The following SPATC1L variants were observed in gnomAD, a reference collection of about 807,000 sequenced individuals.
SPATC1L encodes the protein spermatogenesis and centriole associated 1 like, also known as speriolin-like protein.
Under a neutral mutation model 21.2 loss-of-function variants are expected in SPATC1L, and 20 were observed. That is an observed-to-expected ratio of 0.94 (90% CI 0.66 to 1.37). The LOEUF (loss-of-function observed/expected upper bound fraction) is 1.37, where lower values mean the gene tolerates loss of function less well. Ranked by LOEUF, SPATC1L falls within the 40% of genes most tolerant of loss-of-function variation. The probability of loss-of-function intolerance (pLI) is 0.00; values close to 1 mark genes in which losing one functional copy is unlikely to be tolerated. For missense variants in SPATC1L, 499 were observed against 478.7 expected (o/e 1.04, Z -0.40); for synonymous variants, 290 against 234.5 (o/e 1.24, Z -2.16).
chr21:46,161,387 C>A lies in SPATC1L; in HGVS notation c.1015G>T (p.Ala339Ser). 1 of 1,517,306 alleles carries A rather than the reference C, an allele frequency of 6.6e-7. No homozygotes were observed. Among genetic ancestry groups the A allele is most frequent in the Non-Finnish European group, 8.8e-7 (1 of 1,135,744 alleles). 94.0% of individuals were successfully genotyped at this position (1,517,306 alleles called of 1,614,324 possible). A position where few individuals can be genotyped will look rare whatever the true frequency, so the allele number is the denominator to read the frequency against. ...LSKEDGKPLF[A>S]W ...GGCGGGCGCGGGGCGGCTCACCAGG[C>A]GAAGAGGGGCTTGCCGTCCTCCTTG... Residue 339 changes from alanine (A) to serine (S), a missense_variant, in exon 5 of 5, where the codon GCC becomes TCC. Transcript: ENST00000291672.
chr21:46,183,095 A>G lies in SPATC1L; in HGVS notation c.-279T>C, dbSNP rs1004641652. 1 of 457,300 alleles carries G rather than the reference A, an allele frequency of 2.2e-6. No individual in the cohort carries two copies. Among genetic ancestry groups the G allele is most frequent in the Non-Finnish European group, 3.9e-6 (1 of 259,600 alleles). The allele number at this position is 457,300 out of a possible 1,614,324, so 28.3% of individuals were successfully genotyped here. On this transcript the variant is annotated 5_prime_UTR_variant, in exon 2 of 5. An upstream start codon of the reference 5' UTR is lost. Transcript: ENST00000291672. ...ACCAGGGCCCGAGAATGCCAAGGAC[A>G]TTAGGCAGCTACGGGATGTAGCGAC...
At chr21:46,184,304 A>G (rs1260660815) in intron 1 of SPATC1L, 52 bp downstream of exon 1, 1 of 154,486 alleles carries the variant, frequency 6.5e-6, no homozygotes, top group Non-Finnish European at 1.4e-5. Flanking sequence ...AGTGCGACCG[A>G]CTTGAAACCC....
intron 2 of SPATC1L, among the ~76,000 whole-genome samples, chr21:46,172,535 T>C (rs1267862012): frequency 6.6e-6 from 1 of 152,238 alleles, no homozygotes; most frequent in Non-Finnish European, 1.5e-5. Flanking sequence ...TCTGGGCAGA[T>C]GGGACCGTTG....
chr21:46,168,975 C>A (rs2079561943), intron 2 of SPATC1L, among the ~76,000 whole-genome samples: 1 of 152,212 alleles, frequency 6.6e-6, no homozygotes, highest in Non-Finnish European at 1.5e-5. Context: ...CTTTTATATG[C>A]TTAAGTTGTA....
rs1185575138 is a variant in SPATC1L, at chr21:46,168,576, T to G, written c.276A>C (p.Ser92=). 1 of 1,464,348 alleles carries G rather than the reference T, an allele frequency of 6.8e-7. No individual in the cohort carries two copies. The highest frequency in any genetic ancestry group is 9.2e-7 in the Non-Finnish European group (1 of 1,091,654). The allele number at this position is 1,464,348 out of a possible 1,614,324, so 90.7% of individuals were successfully genotyped here. The part of the protein sequence containing the change: ...QTSSLEDLLC[S]HAPLSSEDDT... ...CGTCCTCGCTGGACAGGGGGGCATG[T>G]GAGCACAGCAGGTCCTCCAGGGAGG... is the stretch of plus-strand genomic sequence containing the variant. The change falls in exon 3 of 5, where the codon TCA becomes TCC. Residue 92 remains serine (S), a synonymous_variant. Transcript: ENST00000291672.
chr21:46,170,946 G>C (rs1210663600), intron 2 of SPATC1L, among the ~76,000 whole-genome samples: 1 of 150,964 alleles, frequency 6.6e-6, no homozygotes. Context: ...TGTGGATGGG[G>C]AGGAGCTTCC....
Position 46,183,403 on chromosome 21 carries a change from G to C in SPATC1L, c.-587C>G. 5.4e-6 allele frequency: 1 copy of C among 184,362 alleles called. No homozygotes were observed. The highest frequency in any genetic ancestry group is 1.2e-5 in the Non-Finnish European group (1 of 86,056). The allele number at this position is 184,362 out of a possible 1,614,324, so 11.4% of individuals were successfully genotyped here. The stretch of plus-strand genomic sequence containing the variant: ...GGGACTGGCAAGGGCAGTGGGAGGA[G>C]ACCAGCATGTGGGGGAGACCAGCCT... On this transcript the variant is annotated 5_prime_UTR_variant, in exon 2 of 5. Coordinates refer to ENST00000291672, the MANE Select transcript of SPATC1L (RefSeq NM_001142854.2).
intron 2 of SPATC1L, among the ~76,000 whole-genome samples, chr21:46,172,654 T>G (rs1050555829): frequency 1.3e-5 from 2 of 152,062 alleles, no homozygotes; most frequent in Non-Finnish European, 2.9e-5. Context: ...TTCTGAGTAA[T>G]AAGGACAAAG....
rs1569001181 is a variant in SPATC1L at position 46,172,098 on chromosome 21, CAG to C, written c.194-3442_194-3441del. ...GGCGGGGGATGCACAGAGCATGAGGCAGGAGTGCAGAGCATGAGGCGGGGGAT... is the reference window on the plus strand; with the variant it reads ...GGCGGGGGATGCACAGAGCATGAGGCGAGTGCAGAGCATGAGGCGGGGGAT... On this transcript the variant is annotated intron_variant, in intron 2 of 4. Transcript: ENST00000291672. 8.1e-5 allele frequency among the ~76,000 whole-genome samples: 3 copies of C among 37,180 alleles called. No individual in the cohort carries two copies. The East Asian group carries it at 0.013, about 163-fold the overall frequency. The allele number at this position is 37,180 out of a possible 152,430, so 24.4% of individuals were successfully genotyped here. A position where few individuals can be genotyped will look rare whatever the true frequency, so the allele number is the denominator to read the frequency against.
At chr21:46,164,760 C>A (rs2123621035) in intron 3 of SPATC1L, among the ~76,000 whole-genome samples, 1 of 147,470 alleles carries the variant, frequency 6.8e-6, no homozygotes, top group South Asian at 2.2e-4. Context: ...CCACTGCACT[C>A]CAGCCTGGGC....
intron 3 of SPATC1L, among the ~76,000 whole-genome samples, 187 bp from the exon 4 acceptor site, chr21:46,162,254 C>T (rs549509407): frequency 2.2e-4 from 33 of 152,300 alleles, no homozygotes; most frequent in African/African-American, 7.9e-4. Context: ...GCAAGCCAGC[C>T]TTCCCTTCCC....
intron 2 of SPATC1L, among the ~76,000 whole-genome samples, chr21:46,179,908 C>T (rs545148875): frequency 1.3e-4 from 20 of 152,358 alleles, no homozygotes; most frequent in African/African-American, 4.6e-4. Flanking sequence ...AGACCTCGCT[C>T]CCCAGCTGAC....
At position 46,161,475 on chromosome 21, in the gene SPATC1L, G is replaced by T; in HGVS notation, c.927C>A (p.Asp309Glu). The T allele has an allele frequency of 2.5e-6, 4 of 1,600,128 alleles. No individual in the cohort carries two copies. The highest frequency in any genetic ancestry group is 3.4e-6 in the Non-Finnish European group (4 of 1,171,532). ...SPAALRKLVI[D>E]VVPPKFLGDS... Reference sequence around the variant, plus strand: ...CGCCCAGGAACTTGGGGGGCACCACGTCGATGACCAGCTTGCGCAGCGCGG... The same window carrying T: ...CGCCCAGGAACTTGGGGGGCACCACTTCGATGACCAGCTTGCGCAGCGCGG... The change falls in exon 5 of 5, where the codon GAC becomes GAA. Residue 309 changes from aspartate to glutamate, a missense_variant. Asp to Glu is a conservative substitution (Grantham distance 45). Coordinates refer to ENST00000291672, the MANE Select transcript of SPATC1L (RefSeq NM_001142854.2).
At chr21:46,172,344 G>T (rs2123640742) in intron 2 of SPATC1L, among the ~76,000 whole-genome samples, 1 of 152,366 alleles carries the variant, frequency 6.6e-6, no homozygotes, top group East Asian at 1.9e-4. Context: ...GAACCCAGTG[G>T]CTGTGCAGCG....
At chr21:46,176,321 T>C (rs9637215) in intron 2 of SPATC1L, among the ~76,000 whole-genome samples, 23,009 of 152,036 alleles carry the variant, frequency 0.15, 2,160 homozygotes, top group East Asian at 0.52. Flanking sequence ...CCCATCCAAA[T>C]AGAAAGAGAG....
chr21:46,166,073 T>C (rs746456972), intron 3 of SPATC1L, among the ~76,000 whole-genome samples: 4 of 152,120 alleles, frequency 2.6e-5, no homozygotes, highest in Non-Finnish European at 5.9e-5. Context: ...ATAATAACTT[T>C]GAATGTAAAT....
At chr21:46,171,729 G>T (rs978686394) in intron 2 of SPATC1L, among the ~76,000 whole-genome samples, 2 of 152,062 alleles carry the variant, frequency 1.3e-5, no homozygotes, top group Non-Finnish European at 2.9e-5. Context: ...AATACACAAA[G>T]AAGGAAAATC....
intron 4 of SPATC1L, 85 bp from the exon 5 acceptor site, chr21:46,161,790 C>T: frequency 6.7e-7 from 1 of 1,486,938 alleles, no homozygotes; most frequent in East Asian, 2.4e-5. Flanking sequence ...CCCTGCCCCG[C>T]CCGCCTGGGT....
intron 3 of SPATC1L, among the ~76,000 whole-genome samples, chr21:46,162,677 C>T (rs1460058465): frequency 2.0e-5 from 3 of 150,358 alleles, no homozygotes; most frequent in Non-Finnish European, 4.4e-5. Context: ...ACCTCCGCCT[C>T]CCCGGCTCAA....
Sources: gnomAD v4.1 joint callset for allele counts (sites outside exome capture counted in the v4.1 genomes callset) on GRCh38, gnomAD v4.1.1 for gene constraint, MANE v1.5 for transcripts, NCBI Gene and HGNC (gene_info 2026-07-23, HGNC 2026-07-21) for gene names.